ADCYAP1R1: variants seen among roughly 807,000 people sequenced by gnomAD.
ADCYAP1R1 encodes pituitary adenylate cyclase-activating polypeptide type I receptor.
Under a neutral mutation model 67.6 loss-of-function variants are expected in ADCYAP1R1, and 44 were observed. That is an observed-to-expected ratio of 0.65 (90% CI 0.51 to 0.84). ADCYAP1R1 has a LOEUF of 0.84. Among genes scored for constraint, ADCYAP1R1 ranks in the 40% least tolerant of loss-of-function variants. ADCYAP1R1 has a pLI of 0.00. For missense variants in ADCYAP1R1, 477 were observed against 587.9 expected, an observed-to-expected ratio of 0.81 and a Z score of 1.95; for synonymous variants, 222 against 219.6, an observed-to-expected ratio of 1.01 and a Z score of -0.10.
intron 3 of ADCYAP1R1, among the ~76,000 whole-genome samples, chr7:31,066,254 G>A (rs1158336699): frequency 2.0e-5 from 3 of 152,206 alleles, no homozygotes; most frequent in Admixed American, 2.0e-4. Flanking sequence ...CCCAACCCAG[G>A]GCCATTGTTC....
At chr7:31,066,422 A>G (rs1160076109) in intron 3 of ADCYAP1R1, among the ~76,000 whole-genome samples, 1 of 152,114 alleles carries the variant, frequency 6.6e-6, no homozygotes, top group Non-Finnish European at 1.5e-5. Flanking sequence ...ACAGGGCAAG[A>G]CAGGCCTGTC....
chr7:31,088,439 C>T (rs1481512397), intron 12 of ADCYAP1R1, among the ~76,000 whole-genome samples: 1 of 152,180 alleles, frequency 6.6e-6, no homozygotes, highest in Non-Finnish European at 1.5e-5. Context: ...CAACCCAAGA[C>T]ATAAAAATAT....
rs1796476448 is a variant in ADCYAP1R1, at chr7:31,102,414, C to G, written c.1047-823C>G. On this transcript the variant is annotated intron_variant, in intron 13 of 15. Coordinates refer to ENST00000304166, the MANE Select transcript of ADCYAP1R1 (RefSeq NM_001118.5). This position sits in a 1 kb window ranked among gnomAD's most constrained non-coding sequence, Gnocchi z 4.3. ...CCCTATAGAGCAGGACCCACAAGTG[C>G]ACATGGTCCAGGTGTCCTAGCTGTG... Among the ~76,000 whole-genome samples, 1 of 152,200 alleles carries G rather than the reference C, an allele frequency of 6.6e-6. No homozygotes were observed. The highest frequency in any genetic ancestry group is 2.1e-4 in the South Asian group (1 of 4,824).
intron 1 of ADCYAP1R1, chr7:31,057,203 C>T (rs1794285344): frequency 6.6e-6 from 1 of 152,558 alleles, no homozygotes; most frequent in Admixed American, 6.5e-5. Context: ...TCCGTCCTTT[C>T]CCTTCCTACC....
intron 13 of ADCYAP1R1, among the ~76,000 whole-genome samples, chr7:31,100,768 A>G (rs1243134731): frequency 6.6e-6 from 1 of 152,186 alleles, no homozygotes; most frequent in Non-Finnish European, 1.5e-5. Flanking sequence ...TAATTGACAG[A>G]GGGAGGATTT....
intron 12 of ADCYAP1R1, 115 bp downstream of exon 12, chr7:31,087,811 C>A: frequency 1.4e-6 from 1 of 738,536 alleles, no homozygotes; most frequent in East Asian, 2.7e-5. Context: ...TCTGTCATGG[C>A]TGCATTATAA....
rs1302114759 is a variant in ADCYAP1R1, at chr7:31,052,441, G to C, written c.-309G>C. ...CGCTCGGCCCCGGGCAGGGAGTGAC[G>C]GCGGCGGCGGCGGCTCCGGGCGAGC... On this transcript the variant is annotated 5_prime_UTR_variant, in exon 1 of 16. Coordinates refer to ENST00000304166, the MANE Select transcript of ADCYAP1R1 (RefSeq NM_001118.5). The C allele has an allele frequency of 2.0e-5, 3 of 149,262 alleles. No homozygotes were observed. The highest frequency in any genetic ancestry group is 3.0e-5 in the Non-Finnish European group (2 of 67,148). 9.2% of individuals were successfully genotyped at this position (149,262 alleles called of 1,614,324 possible). A position where few individuals can be genotyped will look rare whatever the true frequency, so the allele number is the denominator to read the frequency against.
Position 31,092,538 on chromosome 7 carries a change from A to C in ADCYAP1R1, c.955-106A>C, listed in dbSNP as rs1044606156. 3 of 776,778 alleles carry C rather than the reference A, an allele frequency of 3.9e-6. No individual in the cohort carries two copies. The African/African-American group carries it at 5.3e-5, about 14-fold the overall frequency. The allele number at this position is 776,778 out of a possible 1,614,324, so 48.1% of individuals were successfully genotyped here. The stretch of plus-strand genomic sequence containing the variant: ...TTATCACACCGCCATCTTGGATTAG[A>C]AGTGTAGATGGGATCTTGACTAGGT... On this transcript the variant is annotated intron_variant, in intron 12 of 15. Transcript: ENST00000304166.
intron 3 of ADCYAP1R1, among the ~76,000 whole-genome samples, chr7:31,072,574 T>A (rs1337838941): frequency 6.6e-6 from 1 of 152,124 alleles, no homozygotes; most frequent in Non-Finnish European, 1.5e-5. Flanking sequence ...CCCTAGACTA[T>A]AGCCATGTCC....
intron 2 of ADCYAP1R1, among the ~76,000 whole-genome samples, chr7:31,063,893 C>A (rs927889508): frequency 1.1e-4 from 16 of 152,354 alleles, no homozygotes; most frequent in Admixed American, 5.2e-4. Flanking sequence ...GCCTGCACAT[C>A]TGTGAATAGT....
At chr7:31,078,380 G>A (rs1795366851) in intron 4 of ADCYAP1R1, among the ~76,000 whole-genome samples, 1 of 152,220 alleles carries the variant, frequency 6.6e-6, no homozygotes, top group African/African-American at 2.4e-5. Flanking sequence ...CTGTCAGCTG[G>A]GTATGTGGCC....
chr7:31,054,964 A>G (rs1034634911), intron 1 of ADCYAP1R1, among the ~76,000 whole-genome samples: 1 of 152,214 alleles, frequency 6.6e-6, no homozygotes, highest in African/African-American at 2.4e-5. Flanking sequence ...ATCTGATTCC[A>G]GGGTCTGAAT....
At position 31,071,474 on chromosome 7, in the gene ADCYAP1R1, G is replaced by A. The variant is rs543855981; in HGVS notation, c.158-6517G>A. 5.6e-4 allele frequency among the ~76,000 whole-genome samples: 85 copies of A among 152,274 alleles called. 1 individual carries two copies. Among genetic ancestry groups the A allele is most frequent in the African/African-American group, 2.0e-3 (82 of 41,556 alleles). ...TTGTCAGGAGTGGAGAGGTCTCACA[G>A]AGAACAGGATCTGTTCTCATTTTCA... is the stretch of plus-strand genomic sequence containing the variant. On this transcript the variant is annotated intron_variant, in intron 3 of 15. Transcript: ENST00000304166.
At chr7:31,078,349 C>A (rs748896592) in intron 4 of ADCYAP1R1, among the ~76,000 whole-genome samples, 1 of 152,206 alleles carries the variant, frequency 6.6e-6, no homozygotes, top group Non-Finnish European at 1.5e-5. Context: ...CTGTCACTCA[C>A]CCTCCAGCCC....
chr7:31,089,945 T>A (rs979232237), intron 12 of ADCYAP1R1, among the ~76,000 whole-genome samples: 6 of 152,226 alleles, frequency 3.9e-5, no homozygotes. Context: ...TCTATGGTCT[T>A]AGGTACACGT....
In ADCYAP1R1 at chr7:31,086,081, A is replaced by T. The variant is rs1467657433; in HGVS notation, c.670-303A>T. On this transcript the variant is annotated intron_variant, in intron 9 of 15. Coordinates refer to ENST00000304166, the MANE Select transcript of ADCYAP1R1 (RefSeq NM_001118.5). The surrounding 1 kb of genome is among the most constrained non-coding windows in gnomAD (Gnocchi z 5.0). ...GGGTCCTCTGGCTGCTTCTCTCCCT[A>T]CTCCTCTCCTCTGTGGGAGATAGGG... is the stretch of plus-strand genomic sequence containing the variant. Among the ~76,000 whole-genome samples, 1 of 151,772 alleles carries T rather than the reference A, an allele frequency of 6.6e-6. No homozygotes were observed.
At chr7:31,085,584 C>T (rs1012827815) in intron 9 of ADCYAP1R1, 142 bp downstream of exon 9, 22 of 969,954 alleles carry the variant, frequency 2.3e-5, no homozygotes, top group South Asian at 5.7e-5. Flanking sequence ...CCCACCCCCC[C>T]GGTTTATGTG....
At chr7:31,098,051 C>T (rs1286333275) in intron 13 of ADCYAP1R1, among the ~76,000 whole-genome samples, 1 of 152,094 alleles carries the variant, frequency 6.6e-6, no homozygotes, top group Admixed American at 6.5e-5. Context: ...CAGGCACCTG[C>T]CACTACGCCC....
chr7:31,067,974 G>A (rs949684249), intron 3 of ADCYAP1R1, among the ~76,000 whole-genome samples: 8 of 152,264 alleles, frequency 5.3e-5, no homozygotes, highest in African/African-American at 1.9e-4. Context: ...TAGGAAGCAG[G>A]TCAGCGCCAC....
Sources: allele counts gnomAD v4.1 joint callset (sites outside exome capture counted in the v4.1 genomes callset), GRCh38; gene constraint gnomAD v4.1.1; non-coding constraint Gnocchi (gnomAD v3.1); transcripts MANE v1.5; gene names NCBI Gene and HGNC (gene_info 2026-07-23, HGNC 2026-07-21).